Variants in PAN3 observed in about 807,000 individuals in gnomAD.
PAN3 encodes PAN2-PAN3 deadenylation complex subunit PAN3.
Under a neutral mutation model 96.2 loss-of-function variants are expected in PAN3, and 19 were observed. The ratio of observed to expected loss-of-function variants is 0.20; its 90% CI spans 0.14 to 0.29. The LOEUF is 0.29. Among genes scored for constraint, PAN3 ranks in the 10% least tolerant of loss-of-function variants. PAN3 has a pLI of 1.00. For synonymous variants in PAN3, 433 were observed against 406.6 expected, an observed-to-expected ratio of 1.06 and a Z score of -0.78; for missense variants, 882 against 1,108.1, an observed-to-expected ratio of 0.80 and a Z score of 2.90.
At chr13:28,165,537 A>T (rs1873430277) in intron 1 of PAN3, among the ~76,000 whole-genome samples, 2 of 152,146 alleles carry the variant, frequency 1.3e-5, no homozygotes, top group African/African-American at 4.8e-5. Flanking sequence ...TCTCTGAATC[A>T]GTTTGCTTAA....
At chr13:28,271,452 C>T (rs994417200) in intron 13 of PAN3, among the ~76,000 whole-genome samples, 10 of 152,174 alleles carry the variant, frequency 6.6e-5, no homozygotes, top group Non-Finnish European at 1.2e-4. Flanking sequence ...AGTTCATATC[C>T]TGGCTTTGAT....
Position 28,267,106 on chromosome 13 carries a change from G to C in PAN3, c.1585G>C (p.Val529Leu), listed in dbSNP as rs760451235. ...AAATTGTCTTCCAGGTTTTCGTCTT[G>C]TTAACACAAAGTGCATGGTGTTGGT... is the stretch of plus-strand genomic sequence containing the variant. ...CLRRIHGFRLVNTKCMVLVDM... is the reference protein window; with the variant it reads ...CLRRIHGFRLLNTKCMVLVDM... Residue 529 changes from valine to leucine, a missense_variant, in exon 11 of 19, where the codon GTT (valine) becomes CTT (leucine). Around this residue, in one of 3 missense-constraint regions of PAN3, gnomAD observed 364 missense variants for 513.6 expected, o/e 0.71. Coordinates refer to ENST00000380958, the MANE Select transcript of PAN3 (RefSeq NM_175854.8). 7.5e-6 allele frequency: 12 copies of C among 1,603,504 alleles called. No individual in the cohort carries two copies. Among genetic ancestry groups the C allele is most frequent in the Non-Finnish European group, 1.0e-5 (12 of 1,172,768 alleles).
At chr13:28,239,203 A>G (rs9582023) in intron 6 of PAN3, among the ~76,000 whole-genome samples, 162 of 115,108 alleles carry the variant, frequency 1.4e-3, no homozygotes, top group South Asian at 3.3e-3. Flanking sequence ...GCACACACGC[A>G]CACACACACA....
rs764012046 is a variant in PAN3, at chr13:28,281,286, C to T, written c.2320-29C>T. The stretch of plus-strand genomic sequence containing the variant: ...TATGTTCAGTTATCTGGAACATTAA[C>T]ATTTTTCTCTTTTTAAAATGTTTTA... On this transcript the variant is annotated intron_variant, in intron 16 of 18. Coordinates refer to ENST00000380958, the MANE Select transcript of PAN3 (RefSeq NM_175854.8). The T allele has an allele frequency of 3.8e-6, 6 of 1,582,436 alleles. No homozygotes were observed. In the East Asian group the frequency reaches 9.0e-5, roughly 24 times the overall value.
At chr13:28,278,244 T>C (rs1286760451) in intron 15 of PAN3, among the ~76,000 whole-genome samples, 2 of 152,254 alleles carry the variant, frequency 1.3e-5, no homozygotes, top group African/African-American at 4.8e-5. Flanking sequence ...TTTGTTACAC[T>C]GGCATAAATG....
chr13:28,244,027 AT>A (rs1566221091), intron 6 of PAN3, among the ~76,000 whole-genome samples: 3 of 152,158 alleles, frequency 2.0e-5, no homozygotes, highest in Non-Finnish European at 4.4e-5. Context: ...GAAAAGATGC[AT>A]CTTTTTAATT....
intron 1 of PAN3, among the ~76,000 whole-genome samples, chr13:28,141,825 C>A (rs190729340): frequency 6.6e-6 from 1 of 152,096 alleles, no homozygotes; most frequent in Non-Finnish European, 1.5e-5. Context: ...AGGATGTAAG[C>A]AGATGAAGAT....
intron 5 of PAN3, chr13:28,215,979 T>G: frequency 1.3e-6 from 1 of 795,638 alleles, no homozygotes; most frequent in Non-Finnish European, 2.1e-6. Context: ...AGTTGGCCAT[T>G]TAAGTTAATA....
intron 6 of PAN3, among the ~76,000 whole-genome samples, chr13:28,225,809 CTG>C (rs964337184): frequency 2.8e-4 from 43 of 152,250 alleles, no homozygotes; most frequent in African/African-American, 1.0e-3. Flanking sequence ...CAGACTAGTT[CTG>C]TGTGTGTCCA....
chr13:28,151,194 A>C (rs991292433), intron 1 of PAN3, among the ~76,000 whole-genome samples: 1 of 152,094 alleles, frequency 6.6e-6, no homozygotes, highest in African/African-American at 2.4e-5. Flanking sequence ...TTTTGTGTCA[A>C]AAGGAGTGAT....
chr13:28,176,909 A>G (rs1336862375), intron 3 of PAN3, among the ~76,000 whole-genome samples: 7 of 152,082 alleles, frequency 4.6e-5, no homozygotes, highest in Non-Finnish European at 1.0e-4. Flanking sequence ...TTTTATTAAC[A>G]TCTTGCTCTT....
Position 28,138,855 on chromosome 13 carries a change from C to A in PAN3, c.198C>A (p.Phe66Leu). The A allele has an allele frequency of 7.0e-7, 1 of 1,426,606 alleles. No individual in the cohort carries two copies. The highest frequency in any genetic ancestry group is 1.5e-5 in the South Asian group (1 of 65,506). 88.4% of individuals were successfully genotyped at this position (1,426,606 alleles called of 1,614,324 possible). ...GCTTCTACGGGGAGGAGTGTCAGTT[C>A]CTGCATGAGGACCCTGCCGCCGGGG... is the stretch of plus-strand genomic sequence containing the variant. ...KTCFYGEECQ[F>L]LHEDPAAGAA... Residue 66 changes from phenylalanine (F) to leucine (L), a missense_variant, in exon 1 of 19, where the codon TTC (phenylalanine) becomes TTA (leucine). Phe to Leu is a conservative substitution (Grantham distance 22). Around this residue, in one of 3 missense-constraint regions of PAN3, gnomAD observed 442 missense variants for 422.8 expected, o/e 1.05. Coordinates refer to ENST00000380958, the MANE Select transcript of PAN3 (RefSeq NM_175854.8).
At chr13:28,190,535 C>T (rs1230602298) in intron 4 of PAN3, among the ~76,000 whole-genome samples, 6 of 152,116 alleles carry the variant, frequency 3.9e-5, no homozygotes, top group Non-Finnish European at 7.4e-5. Flanking sequence ...GCTAGGATTA[C>T]AGGTGTGAGC....
At chr13:28,211,503 A>G (rs905232962) in intron 5 of PAN3, among the ~76,000 whole-genome samples, 1 of 152,248 alleles carries the variant, frequency 6.6e-6, no homozygotes, top group Non-Finnish European at 1.5e-5. Flanking sequence ...AGGAAAGCAC[A>G]ACAAAACTTG....
intron 12 of PAN3, among the ~76,000 whole-genome samples, chr13:28,268,804 T>C (rs1183816063): frequency 6.6e-6 from 1 of 151,994 alleles, no homozygotes; most frequent in African/African-American, 2.4e-5. Flanking sequence ...TTCTGTTTAC[T>C]TGTTACTTCT....
chr13:28,166,188 C>T (rs937622376), intron 1 of PAN3, among the ~76,000 whole-genome samples: 5 of 152,138 alleles, frequency 3.3e-5, no homozygotes, highest in African/African-American at 1.2e-4. Context: ...AATTGCTCTC[C>T]AGCTATGAGC....
intron 1 of PAN3, among the ~76,000 whole-genome samples, chr13:28,164,091 C>T (rs998449793): frequency 6.6e-6 from 1 of 152,094 alleles, no homozygotes; most frequent in African/African-American, 2.4e-5. Context: ...GTCTCAAAAA[C>T]AAAACCAAAC....
chr13:28,169,222 C>CTTTTTTTTTTTTTTTTTTTTTTTTTGT (rs202200725), intron 1 of PAN3, among the ~76,000 whole-genome samples: 1 of 74,990 alleles, frequency 1.3e-5, no homozygotes. Context: ...TTTTTGTTTG[C>CTTTTTTTTTTTTTTTTTTTTTTTTTGT]TTTTTTTTTT....
intron 9 of PAN3, among the ~76,000 whole-genome samples, chr13:28,264,513 G>T (rs1335200849): frequency 6.6e-6 from 1 of 152,044 alleles, no homozygotes; most frequent in African/African-American, 2.4e-5. Context: ...CATCCTGGGA[G>T]ACTCTGTCTC....
Sources: allele counts gnomAD v4.1 joint callset (sites outside exome capture counted in the v4.1 genomes callset), GRCh38; gene constraint gnomAD v4.1.1; regional missense constraint gnomAD v4.1.1; transcripts MANE v1.5; gene names NCBI Gene and HGNC (gene_info 2026-07-23, HGNC 2026-07-21).